The following ARID5A variants were observed in gnomAD, a reference collection of about 807,000 sequenced individuals.
The protein encoded by ARID5A is AT-rich interactive domain-containing protein 5A.
ARID5A carries 14 observed loss-of-function variants against 30.5 expected under a neutral mutation model. The ratio of observed to expected loss-of-function variants is 0.46; its 90% CI spans 0.30 to 0.72. The LOEUF (loss-of-function observed/expected upper bound fraction) is 0.72, where lower values mean the gene tolerates loss of function less well. Ranked by LOEUF, ARID5A falls within the 30% of genes least tolerant of loss-of-function variation. The pLI is 0.07. For missense variants in ARID5A, 669 were observed against 786.2 expected (o/e 0.85, Z 1.78); for synonymous variants, 338 against 340.4 (o/e 0.99, Z 0.08).
Position 96,550,561 on chromosome 2 carries a change from G to T in ARID5A, c.411-13G>T. On this transcript the variant is annotated splice_polypyrimidine_tract_variant and intron_variant, in intron 5 of 6. Transcript: ENST00000357485. The surrounding 1 kb of genome is among the most constrained non-coding windows in gnomAD (Gnocchi z 6.6). ...CGCCGGCCTCCTGGGGGACATGCGT[G>T]GTTCCTCACCAGGCTGGTCCTGCCA... 6.3e-7 allele frequency: 1 copy of T among 1,590,078 alleles called. No homozygotes were observed. Among genetic ancestry groups the T allele is most frequent in the Non-Finnish European group, 8.6e-7 (1 of 1,169,426 alleles).
Position 96,550,166 on chromosome 2 carries a change from C to A in ARID5A, c.313-22C>A. 1 of 1,533,244 alleles carries A rather than the reference C, an allele frequency of 6.5e-7. No homozygotes were observed. 95.0% of individuals were successfully genotyped at this position (1,533,244 alleles called of 1,614,324 possible). A position where few individuals can be genotyped will look rare whatever the true frequency, so the allele number is the denominator to read the frequency against. ...CGCCAGGGGGCGCCCGCCGGCCGCG[C>A]CCTCACGAGGTGCCCTTGCAGGTGA... On this transcript the variant is annotated intron_variant, in intron 4 of 6. Transcript: ENST00000357485. The surrounding 1 kb of genome is among the most constrained non-coding windows in gnomAD (Gnocchi z 6.6).
chr2:96,549,501 G>T lies in ARID5A; in HGVS notation c.259+42G>T, dbSNP rs112144606. 13 of 1,599,394 alleles carry T rather than the reference G, an allele frequency of 8.1e-6. No individual in the cohort carries two copies. Among genetic ancestry groups the T allele is most frequent in the African/African-American group, 5.4e-5 (4 of 74,326 alleles). On this transcript the variant is annotated intron_variant, in intron 3 of 6. Coordinates refer to ENST00000357485, the MANE Select transcript of ARID5A (RefSeq NM_212481.3). This position sits in a 1 kb window ranked among gnomAD's most constrained non-coding sequence, Gnocchi z 6.1. ...CAGGCAGGGAGGGGGGCCCAGCAGG[G>T]GACCCCGCCCAGGCAGGGCATCGGG...
At position 96,551,513 on chromosome 2, in the gene ARID5A, G is replaced by A. The variant is rs2066043348; in HGVS notation, c.985G>A (p.Ala329Thr). The A allele has an allele frequency of 6.3e-7, 1 of 1,596,462 alleles. No homozygotes were observed. The highest frequency in any genetic ancestry group is 8.5e-7 in the Non-Finnish European group (1 of 1,171,466). ...QAPGGSLREE[A>T]QAGPCPAAPI... ...CCCAGGTGGCAGCCTCAGAGAGGAG[G>A]CGCAGGCAGGCCCCTGCCCGGCAGC... Residue 329 changes from alanine to threonine, a missense_variant, in exon 7 of 7, where the codon GCG becomes ACG. Ala to Thr is a moderately conservative substitution (Grantham distance 58, BLOSUM62 0). Around this residue, in one of 4 missense-constraint regions of ARID5A, gnomAD observed 548 missense variants for 577.4 expected, o/e 0.95. Coordinates refer to ENST00000357485, the MANE Select transcript of ARID5A (RefSeq NM_212481.3).
chr2:96,546,605 G>C (rs1190046682), intron 1 of ARID5A, among the ~76,000 whole-genome samples: 2 of 152,248 alleles, frequency 1.3e-5, no homozygotes, highest in African/African-American at 4.8e-5. Context: ...AGCCAGGATG[G>C]CTGTGAGTAG....
rs1217105039 is a variant in ARID5A, at chr2:96,549,210, A to G, written c.121-111A>G. 6.6e-7 allele frequency: 1 copy of G among 1,520,568 alleles called. No individual in the cohort carries two copies. The highest frequency in any genetic ancestry group is 1.4e-5 in the African/African-American group (1 of 71,944). The allele number at this position is 1,520,568 out of a possible 1,614,324, so 94.2% of individuals were successfully genotyped here. On this transcript the variant is annotated intron_variant, in intron 2 of 6. Coordinates refer to ENST00000357485, the MANE Select transcript of ARID5A (RefSeq NM_212481.3). This position sits in a 1 kb window ranked among gnomAD's most constrained non-coding sequence, Gnocchi z 6.1. Reference sequence around the variant, plus strand: ...ACAGTGGCTAGGTGTTCTCTGGGAAACTGGGGTTGGGGTAGGTACCTTATT... The same window carrying G: ...ACAGTGGCTAGGTGTTCTCTGGGAAGCTGGGGTTGGGGTAGGTACCTTATT...
chr2:96,545,828 C>T (rs1439262978), intron 1 of ARID5A, among the ~76,000 whole-genome samples: 2 of 152,000 alleles, frequency 1.3e-5, no homozygotes, highest in African/African-American at 4.8e-5. Flanking sequence ...GTGGCACGCA[C>T]CTGTAGTCCC....
Position 96,549,968 on chromosome 2 carries a change from T to C in ARID5A, c.312+163T>C. The C allele has an allele frequency of 2.0e-6, 3 of 1,533,002 alleles. No individual in the cohort carries two copies. Among genetic ancestry groups the C allele is most frequent in the Non-Finnish European group, 2.6e-6 (3 of 1,142,384 alleles). 95.0% of individuals were successfully genotyped at this position (1,533,002 alleles called of 1,614,324 possible). On this transcript the variant is annotated intron_variant, in intron 4 of 6. Coordinates refer to ENST00000357485, the MANE Select transcript of ARID5A (RefSeq NM_212481.3). The surrounding 1 kb of genome is among the most constrained non-coding windows in gnomAD (Gnocchi z 6.1). ...CTGGTACTCTGCTGCTCAAAGCAGC[T>C]TTTCAGCCTTCCCCATCTGTTCTGC... is the stretch of plus-strand genomic sequence containing the variant.
chr2:96,547,416 G>T lies in ARID5A; in HGVS notation c.19G>T (p.Gly7Trp). 1 of 1,613,812 alleles carries T rather than the reference G, an allele frequency of 6.2e-7. No homozygotes were observed. Among genetic ancestry groups the T allele is most frequent in the Non-Finnish European group, 8.5e-7 (1 of 1,179,874 alleles). Residue 7 changes from glycine to tryptophan, a missense_variant, in exon 2 of 7, where the codon GGG (glycine) becomes TGG (tryptophan). By Grantham distance (184) the Gly-to-Trp change is radical (BLOSUM62 -2). Transcript: ENST00000357485. MAAPVKGNRKQSTEGDA... is the reference protein window; with the variant it reads MAAPVKWNRKQSTEGDA... Reference sequence around the variant, plus strand: ...TCTCCTTGCAGCAGCCCCTGTCAAAGGGAACAGGAAGCAGTCCACGGAGGG... The same window carrying T: ...TCTCCTTGCAGCAGCCCCTGTCAAATGGAACAGGAAGCAGTCCACGGAGGG...
In ARID5A at chr2:96,551,578, G is replaced by A. The variant is rs1330237623; in HGVS notation, c.1050G>A (p.Glu350=). 1 of 1,592,008 alleles carries A rather than the reference G, an allele frequency of 6.3e-7. No homozygotes were observed. Among genetic ancestry groups the A allele is most frequent in the South Asian group, 1.1e-5 (1 of 88,034 alleles). ...GCTGCTTCTACACCCACCCCACCGA[G>A]GTGCTGAAGCCTGTCAGCCAGCACC... ...FKGCFYTHPT[E]VLKPVSQHPR... Residue 350 remains glutamate (E), a synonymous_variant, in exon 7 of 7, where the codon GAG becomes GAA. Transcript: ENST00000357485.
In ARID5A at chr2:96,536,794, C is replaced by A; in HGVS notation, c.-33C>A. On this transcript the variant is annotated 5_prime_UTR_variant, in exon 1 of 7. Coordinates refer to ENST00000357485, the MANE Select transcript of ARID5A (RefSeq NM_212481.3). ...GTCCGGACAGCCGCGCGCTGAGGGT[C>A]TCGGGGCGGGCGCCGCGGGACCTCT... 1.7e-6 allele frequency: 2 copies of A among 1,177,716 alleles called. No homozygotes were observed. The highest frequency in any genetic ancestry group is 4.3e-5 in the South Asian group (1 of 23,490). 73.0% of individuals were successfully genotyped at this position (1,177,716 alleles called of 1,614,324 possible). A position where few individuals can be genotyped will look rare whatever the true frequency, so the allele number is the denominator to read the frequency against.
Position 96,550,200 on chromosome 2 carries a change from C to A in ARID5A, c.325C>A (p.Arg109Ser). ...LGAYELVTGR[R>S]LWKNVYDELG... ...GGTGCCCTTGCAGGTGACCGGGCGC[C>A]GCCTCTGGAAGAACGTGTACGACGA... Residue 109 changes from arginine (R) to serine (S), a missense_variant, in exon 5 of 7, where the codon CGC becomes AGC. Transcript: ENST00000357485. This position sits in a 1 kb window ranked among gnomAD's most constrained non-coding sequence, Gnocchi z 6.6. 6.5e-7 allele frequency: 1 copy of A among 1,534,854 alleles called. No individual in the cohort carries two copies. The highest frequency in any genetic ancestry group is 8.8e-7 in the Non-Finnish European group (1 of 1,142,192).
Position 96,549,987 on chromosome 2 carries a change from G to A in ARID5A, c.312+182G>A. On this transcript the variant is annotated intron_variant, in intron 4 of 6. Transcript: ENST00000357485. This position sits in a 1 kb window ranked among gnomAD's most constrained non-coding sequence, Gnocchi z 6.1. ...AGCAGCTTTTCAGCCTTCCCCATCT[G>A]TTCTGCCCGCCCCGTGTTGGGAAAA... 6.5e-7 allele frequency: 1 copy of A among 1,535,362 alleles called. No homozygotes were observed. Among genetic ancestry groups the A allele is most frequent in the South Asian group, 1.2e-5 (1 of 82,902 alleles).
At position 96,551,095 on chromosome 2, in the gene ARID5A, C is replaced by A. The variant is rs141580378; in HGVS notation, c.571-4C>A. 1,036 of 1,605,886 alleles carry A rather than the reference C, an allele frequency of 6.5e-4. 1 individual carries two copies. Among genetic ancestry groups the A allele is most frequent in the Admixed American group, 1.3e-3 (75 of 59,082 alleles). ...TCCTGAGGCAAGACTTTCTCTCATT[C>A]CAGATGATGCCAGGAAAGACCAAAG... On this transcript the variant is annotated splice_region_variant and splice_polypyrimidine_tract_variant and intron_variant, in intron 6 of 6. Transcript: ENST00000357485.
At chr2:96,547,233 G>A (rs986237055) in intron 1 of ARID5A, among the ~76,000 whole-genome samples, 169 bp from the exon 2 acceptor site, 12 of 151,256 alleles carry the variant, frequency 7.9e-5, no homozygotes, top group East Asian at 3.9e-4. Flanking sequence ...TCAGGTCATC[G>A]CCTGCCTGGG....
chr2:96,552,270 C>A lies in ARID5A; in HGVS notation c.1742C>A (p.Thr581Asn), dbSNP rs1480980999. Reference protein sequence around the residue: ...SSAWHAPPVTTYAAPHFFHLN... With the variant: ...SSAWHAPPVTNYAAPHFFHLN... ...GCCTGGCACGCACCACCAGTCACAA[C>A]CTATGCAGCGCCCCACTTCTTCCAC... Residue 581 changes from threonine to asparagine, a missense_variant, in exon 7 of 7, where the codon ACC becomes AAC. Physicochemically the swap from Thr to Asn is moderately conservative, Grantham distance 65. Transcript: ENST00000357485. 1 of 1,613,082 alleles carries A rather than the reference C, an allele frequency of 6.2e-7. No homozygotes were observed. The highest frequency in any genetic ancestry group is 1.7e-5 in the Admixed American group (1 of 59,992).
chr2:96,549,497 C>G lies in ARID5A; in HGVS notation c.259+38C>G. 1 of 1,599,670 alleles carries G rather than the reference C, an allele frequency of 6.3e-7. No individual in the cohort carries two copies. The highest frequency in any genetic ancestry group is 8.5e-7 in the Non-Finnish European group (1 of 1,171,504). On this transcript the variant is annotated intron_variant, in intron 3 of 6. Coordinates refer to ENST00000357485, the MANE Select transcript of ARID5A (RefSeq NM_212481.3). The surrounding 1 kb of genome is among the most constrained non-coding windows in gnomAD (Gnocchi z 6.1). ...GGTGCAGGCAGGGAGGGGGGCCCAGCAGGGGACCCCGCCCAGGCAGGGCAT... is the reference window on the plus strand; with the variant it reads ...GGTGCAGGCAGGGAGGGGGGCCCAGGAGGGGACCCCGCCCAGGCAGGGCAT...
chr2:96,545,810 C>T (rs945919025), intron 1 of ARID5A, among the ~76,000 whole-genome samples: 3 of 151,814 alleles, frequency 2.0e-5, no homozygotes, highest in Non-Finnish European at 2.9e-5. Context: ...AAAAATTAGC[C>T]GGGCTTAGTG....
rs2066074298 is a variant in ARID5A at position 96,552,463 on chromosome 2, G to A, written c.*150G>A. ...CAGCCTGGCACAAGTGAAGAAGAAG[G>A]CAGTGGGAAAACTGGGTTTATCTCA... On this transcript the variant is annotated 3_prime_UTR_variant, in exon 7 of 7. Coordinates refer to ENST00000357485, the MANE Select transcript of ARID5A (RefSeq NM_212481.3). 6.5e-7 allele frequency: 1 copy of A among 1,542,218 alleles called. No homozygotes were observed. Among genetic ancestry groups the A allele is most frequent in the Non-Finnish European group, 8.7e-7 (1 of 1,147,610 alleles).
At chr2:96,540,672 G>A (rs6718340) in intron 1 of ARID5A, among the ~76,000 whole-genome samples, 14,053 of 152,280 alleles carry the variant, frequency 0.092, 1,456 homozygotes, top group African/African-American at 0.25. Flanking sequence ...ATGCAATACT[G>A]TAAAGGTATT....
Sources: gnomAD v4.1 joint callset for allele counts (sites outside exome capture counted in the v4.1 genomes callset) on GRCh38, gnomAD v4.1.1 for gene constraint, gnomAD v4.1.1 regional missense constraint, Gnocchi (gnomAD v3.1) non-coding constraint, MANE v1.5 for transcripts, NCBI Gene and HGNC (gene_info 2026-07-23, HGNC 2026-07-21) for gene names.